The following PLS1 variants were observed in gnomAD, a reference collection of about 807,000 sequenced individuals.
PLS1 encodes the protein plastin-1.
In PLS1, 32 loss-of-function variants were observed where a neutral mutation model predicts 73.7. The observed-to-expected ratio is 0.43, with a 90% CI of 0.33 to 0.58. The LOEUF is 0.58. PLS1 is among the 20% of genes least tolerant of loss of function. The pLI is 0.04. For synonymous variants in PLS1, 217 were observed against 261.3 expected (o/e 0.83, Z 1.63); for missense variants, 633 against 740.5 (o/e 0.85, Z 1.68).
At chr3:142,657,688 C>T (rs138702313) in intron 1 of PLS1, among the ~76,000 whole-genome samples, 3,256 of 152,194 alleles carry the variant, frequency 0.021, 107 homozygotes, top group African/African-American at 0.068. Context: ...CGGGGTTTCA[C>T]TGTGTTGGCC....
chr3:142,647,353 T>C (rs2108627894), intron 1 of PLS1, among the ~76,000 whole-genome samples: 1 of 152,316 alleles, frequency 6.6e-6, no homozygotes, highest in South Asian at 2.1e-4. Flanking sequence ...TACAAGGTGA[T>C]AAGTTGCTAT....
intron 1 of PLS1, among the ~76,000 whole-genome samples, chr3:142,599,391 G>A (rs1458869639): frequency 4.2e-5 from 6 of 143,456 alleles, no homozygotes; most frequent in African/African-American, 1.1e-4. Context: ...GTGCAGTGGC[G>A]CAATCTCGGC....
intron 1 of PLS1, among the ~76,000 whole-genome samples, chr3:142,659,493 A>T (rs1228138277): frequency 6.6e-6 from 1 of 151,638 alleles, no homozygotes; most frequent in Admixed American, 6.6e-5. Flanking sequence ...TATTTGTTTC[A>T]TTTTTTTTAA....
At chr3:142,687,951 GT>G (rs35592296) in intron 9 of PLS1, among the ~76,000 whole-genome samples, 269 of 137,358 alleles carry the variant, frequency 2.0e-3, no homozygotes, top group African/African-American at 2.9e-3. Context: ...TTATTTGTTT[GT>G]TTTTTTTTTT....
chr3:142,711,865 C>T lies in PLS1; in HGVS notation c.1755-7C>T, dbSNP rs1478564309. 1.2e-6 allele frequency: 2 copies of T among 1,613,170 alleles called. No homozygotes were observed. Among genetic ancestry groups the T allele is most frequent in the Admixed American group, 1.7e-5 (1 of 59,980 alleles). On this transcript the variant is annotated splice_region_variant and splice_polypyrimidine_tract_variant and intron_variant, in intron 15 of 15. Transcript: ENST00000457734. ...TAACACCAAGATATTTTTCTTGTCT[C>T]TTCAAGATACGCCATTTCAGTTGCT...
At chr3:142,680,697 G>A (rs532919264) in intron 6 of PLS1, among the ~76,000 whole-genome samples, 1 of 152,198 alleles carries the variant, frequency 6.6e-6, no homozygotes, top group East Asian at 1.9e-4. Flanking sequence ...ACAATGAGTG[G>A]ATATTAATAT....
chr3:142,663,991 A>C (rs1465517020), intron 1 of PLS1: 1 of 267,042 alleles, frequency 3.7e-6, no homozygotes, highest in African/African-American at 2.2e-5. Context: ...GGTGAGAAAA[A>C]TAGGTGTTTC....
chr3:142,638,474 A>G (rs2036752416), intron 1 of PLS1, among the ~76,000 whole-genome samples: 1 of 152,218 alleles, frequency 6.6e-6, no homozygotes, highest in Non-Finnish European at 1.5e-5. Context: ...GTGACACTTC[A>G]GTGTTGGCGG....
intron 1 of PLS1, among the ~76,000 whole-genome samples, chr3:142,607,352 T>C (rs542424998): frequency 3.5e-4 from 54 of 152,214 alleles, no homozygotes; most frequent in Non-Finnish European, 6.6e-4. Context: ...CGATCTCGGC[T>C]CACTGCAACC....
At chr3:142,667,783 C>A (rs2037510651) in intron 2 of PLS1, among the ~76,000 whole-genome samples, 1 of 152,152 alleles carries the variant, frequency 6.6e-6, no homozygotes, top group African/African-American at 2.4e-5. Flanking sequence ...TAGAAATAAG[C>A]CAGCCTAATC....
chr3:142,704,577 C>T lies in PLS1; in HGVS notation c.1620C>T (p.Ser540=), dbSNP rs1430319799. The change falls in exon 14 of 16, where the codon TCC becomes TCT. Residue 540 remains serine (S), a synonymous_variant. Coordinates refer to ENST00000457734, the MANE Select transcript of PLS1 (RefSeq NM_001145319.2). Reference sequence around the variant, plus strand: ...GTGCAAACAAAAAGACTTCTATTTCCAGCTTCAAGGTAATCAAGAGTCCTA... The same window carrying T: ...GTGCAAACAAAAAGACTTCTATTTCTAGCTTCAAGGTAATCAAGAGTCCTA... ...LKSANKKTSI[S]SFKDKSISTS... is the part of the protein sequence containing the mutation. 4 of 1,584,746 alleles carry T rather than the reference C, an allele frequency of 2.5e-6. No homozygotes were observed. Among genetic ancestry groups the T allele is most frequent in the Non-Finnish European group, 8.6e-7 (1 of 1,164,782 alleles).
chr3:142,649,614 G>T (rs1261899071), intron 1 of PLS1, among the ~76,000 whole-genome samples: 1 of 151,852 alleles, frequency 6.6e-6, no homozygotes, highest in Non-Finnish European at 1.5e-5. Flanking sequence ...CTCCAGTCTG[G>T]GCAACAGAGC....
intron 1 of PLS1, among the ~76,000 whole-genome samples, chr3:142,650,368 A>G (rs2037059835): frequency 6.6e-6 from 1 of 151,058 alleles, no homozygotes; most frequent in Non-Finnish European, 1.5e-5. Context: ...ACAGGTGCCT[A>G]CCCCCATGCC....
At chr3:142,606,906 A>T (rs6440095) in intron 1 of PLS1, among the ~76,000 whole-genome samples, 39,772 of 151,998 alleles carry the variant, frequency 0.26, 7,482 homozygotes, top group African/African-American at 0.54. Context: ...CTGTGAACTT[A>T]TGTGCACTGG....
At chr3:142,624,709 A>G (rs1047326378) in intron 1 of PLS1, among the ~76,000 whole-genome samples, 10 of 152,358 alleles carry the variant, frequency 6.6e-5, no homozygotes, top group Non-Finnish European at 1.5e-4. Flanking sequence ...CAGTCAACTT[A>G]CTTGTACGCA....
At chr3:142,630,716 T>C (rs2036539086) in intron 1 of PLS1, among the ~76,000 whole-genome samples, 1 of 150,826 alleles carries the variant, frequency 6.6e-6, no homozygotes, top group Admixed American at 6.6e-5. Flanking sequence ...ATGCCACTGC[T>C]CTCCAGTCTG....
chr3:142,613,445 C>A (rs761493997), intron 1 of PLS1, among the ~76,000 whole-genome samples: 1 of 151,684 alleles, frequency 6.6e-6, no homozygotes, highest in African/African-American at 2.4e-5. Context: ...CCATTGTACT[C>A]CAGCCTGGGT....
At chr3:142,658,951 A>G (rs560249464) in intron 1 of PLS1, among the ~76,000 whole-genome samples, 23 of 152,274 alleles carry the variant, frequency 1.5e-4, no homozygotes, top group African/African-American at 5.5e-4. Flanking sequence ...CACTAGAAAA[A>G]CATTTGCTTT....
intron 6 of PLS1, among the ~76,000 whole-genome samples, chr3:142,680,350 C>G (rs2037822487): frequency 6.6e-6 from 1 of 152,096 alleles, no homozygotes; most frequent in Non-Finnish European, 1.5e-5. Context: ...TAGGCATGAG[C>G]CACCATGCCT....
Sources: allele counts gnomAD v4.1 joint callset (sites outside exome capture counted in the v4.1 genomes callset), GRCh38; gene constraint gnomAD v4.1.1; transcripts MANE v1.5; gene names NCBI Gene and HGNC (gene_info 2026-07-23, HGNC 2026-07-21).